Variants in VPS13B observed in about 807,000 individuals in gnomAD.
VPS13B encodes vacuolar protein sorting 13 homolog B.
Under a neutral mutation model 426.4 loss-of-function variants are expected in VPS13B, and 285 were observed. That is an observed-to-expected ratio of 0.67 (90% CI 0.61 to 0.74). The LOEUF (loss-of-function observed/expected upper bound fraction) is 0.74. Among genes scored for constraint, VPS13B ranks in the 30% least tolerant of loss-of-function variants. The pLI is 0.00. For missense variants in VPS13B, 4,537 were observed against 4,782.6 expected (o/e 0.95, Z 1.51); for synonymous variants, 1,676 against 1,676.4 (o/e 1.00, Z 0.01).
intron 36 of VPS13B, among the ~76,000 whole-genome samples, chr8:99,703,821 T>C (rs1192605585): frequency 6.6e-6 from 1 of 152,080 alleles, no homozygotes; most frequent in South Asian, 2.1e-4. Flanking sequence ...ATGGCTCTGT[T>C]TGGGCGGCAC....
At chr8:99,374,971 G>C (rs1470559098) in intron 19 of VPS13B, among the ~76,000 whole-genome samples, 1 of 152,176 alleles carries the variant, frequency 6.6e-6, no homozygotes, top group Non-Finnish European at 1.5e-5. Flanking sequence ...AAGGTTTAGA[G>C]TACGCATGAG....
At chr8:99,605,468 A>G (rs1280675879) in intron 33 of VPS13B, among the ~76,000 whole-genome samples, 1 of 152,236 alleles carries the variant, frequency 6.6e-6, no homozygotes, top group Non-Finnish European at 1.5e-5. Flanking sequence ...AATCCTAGAT[A>G]TAATCATTTC....
intron 16 of VPS13B, among the ~76,000 whole-genome samples, chr8:99,184,163 A>G (rs895531823): frequency 6.6e-6 from 1 of 152,188 alleles, no homozygotes; most frequent in African/African-American, 2.4e-5. Context: ...TTTTAAGGCT[A>G]TTATGAATAA....
At chr8:99,135,845 T>G in intron 11 of VPS13B, 112 bp downstream of exon 11, 1 of 1,424,184 alleles carries the variant, frequency 7.0e-7, no homozygotes, top group East Asian at 2.4e-5. Context: ...GAATGCTAAT[T>G]GTTTATTAAA....
At chr8:99,195,295 T>C (rs574926451) in intron 17 of VPS13B, among the ~76,000 whole-genome samples, 1 of 152,354 alleles carries the variant, frequency 6.6e-6, no homozygotes, top group Admixed American at 6.5e-5. Context: ...GTTGAGTATG[T>C]TTTCATATAC....
intron 17 of VPS13B, among the ~76,000 whole-genome samples, chr8:99,247,087 G>A (rs978284043): frequency 3.9e-5 from 6 of 152,114 alleles, no homozygotes; most frequent in African/African-American, 1.4e-4. Flanking sequence ...GTAAGTAAAT[G>A]TTCGTTAATT....
At chr8:99,754,698 A>G (rs1259918797) in intron 39 of VPS13B, among the ~76,000 whole-genome samples, 14 of 152,144 alleles carry the variant, frequency 9.2e-5, no homozygotes, top group Non-Finnish European at 5.9e-5. Flanking sequence ...CTAATTTTCT[A>G]GTACTTTTCT....
At chr8:99,331,379 G>A (rs1810533657) in intron 19 of VPS13B, among the ~76,000 whole-genome samples, 1 of 151,726 alleles carries the variant, frequency 6.6e-6, no homozygotes, top group Admixed American at 6.6e-5. Flanking sequence ...CTGTCAGCCT[G>A]TGTAGCAACA....
At chr8:99,431,494 T>A (rs772049704) in intron 21 of VPS13B, 43 bp from the exon 22 acceptor site, 1 of 1,609,264 alleles carries the variant, frequency 6.2e-7, no homozygotes, top group Non-Finnish European at 8.5e-7. Flanking sequence ...TGTGAAATTG[T>A]AAGTTATGTT....
At position 99,861,852 on chromosome 8, in the gene VPS13B, C is replaced by T; in HGVS notation, c.11121C>T (p.His3707=). ...NMDRLSLDEE[H]YNRQEEWRRQ... is the part of the protein sequence containing the mutation. ...ACCGGCTCTCACTGGATGAGGAGCACTACAACCGGCAGGAGGAGTGGCGGC... is the reference window on the plus strand; with the variant it reads ...ACCGGCTCTCACTGGATGAGGAGCATTACAACCGGCAGGAGGAGTGGCGGC... The change falls in exon 58 of 62, where the codon CAC becomes CAT. Residue 3707 remains histidine (H), a synonymous_variant. Coordinates refer to ENST00000357162, the MANE Select transcript of VPS13B (RefSeq NM_152564.5). 2 of 1,601,620 alleles carry T rather than the reference C, an allele frequency of 1.2e-6. No homozygotes were observed. The highest frequency in any genetic ancestry group is 1.7e-6 in the Non-Finnish European group (2 of 1,174,634).
intron 19 of VPS13B, among the ~76,000 whole-genome samples, chr8:99,377,072 C>A (rs1279933380): frequency 6.6e-6 from 1 of 151,924 alleles, no homozygotes; most frequent in African/African-American, 2.4e-5. Context: ...TAGATTCTTT[C>A]CTTAGGTGAT....
chr8:99,530,133 G>C (rs956989974), intron 30 of VPS13B, among the ~76,000 whole-genome samples: 1 of 152,022 alleles, frequency 6.6e-6, no homozygotes, highest in African/African-American at 2.4e-5. Flanking sequence ...TTTCTTTGAT[G>C]TTCAACTCTA....
intron 35 of VPS13B, chr8:99,697,246 CA>C (rs1229682599): frequency 4.3e-5 from 25 of 575,376 alleles, no homozygotes; most frequent in Non-Finnish European, 1.6e-5. Flanking sequence ...CAGGAGGAGG[CA>C]GCCATCCAGC....
intron 33 of VPS13B, among the ~76,000 whole-genome samples, chr8:99,593,198 A>T (rs1826783188): frequency 6.6e-6 from 1 of 152,136 alleles, no homozygotes; most frequent in African/African-American, 2.4e-5. Context: ...GTCTACAAGG[A>T]ACTTAACCAA....
intron 2 of VPS13B, among the ~76,000 whole-genome samples, chr8:99,035,650 CCTT>C (rs1486893666): frequency 2.6e-5 from 4 of 152,068 alleles, no homozygotes; most frequent in Non-Finnish European, 5.9e-5. Context: ...GTGAATATCT[CCTT>C]AAGATTTTCT....
chr8:99,779,065 C>T (rs1370301162), intron 42 of VPS13B, 34 bp downstream of exon 42: 1 of 1,578,446 alleles, frequency 6.3e-7, no homozygotes, highest in Non-Finnish European at 8.7e-7. Flanking sequence ...ACAGTTTGGC[C>T]ACATATGATC....
intron 42 of VPS13B, among the ~76,000 whole-genome samples, chr8:99,783,776 G>A (rs1812130672): frequency 6.6e-6 from 1 of 152,112 alleles, no homozygotes; most frequent in African/African-American, 2.4e-5. Context: ...GGAAAGTTAT[G>A]GTTTTATTTA....
chr8:99,868,303 A>G lies in VPS13B; in HGVS notation c.11230A>G (p.Ile3744Val). 6.2e-7 allele frequency: 1 copy of G among 1,614,164 alleles called. No individual in the cohort carries two copies. The highest frequency in any genetic ancestry group is 1.3e-5 in the African/African-American group (1 of 75,038). ...TGTTATTCCAGGTGCAATTGCTGGT[A>G]TAGTTGATCAGCCGATGCAGAACTT... Reference protein sequence around the residue: ...GISLLGAIAGIVDQPMQNFQK... With the variant: ...GISLLGAIAGVVDQPMQNFQK... The change falls in exon 59 of 62, where the codon ATA (isoleucine) becomes GTA (valine). Residue 3744 changes from isoleucine (I) to valine (V), a missense_variant. Physicochemically the swap from Ile to Val is conservative, Grantham distance 29. Coordinates refer to ENST00000357162, the MANE Select transcript of VPS13B (RefSeq NM_152564.5).
intron 17 of VPS13B, among the ~76,000 whole-genome samples, chr8:99,218,044 AG>A (rs1201695955): frequency 2.0e-5 from 3 of 152,236 alleles, no homozygotes; most frequent in Non-Finnish European, 4.4e-5. Context: ...AAGGTATGCC[AG>A]TTAGACTGTC....
Sources: gnomAD v4.1 joint callset for allele counts (sites outside exome capture counted in the v4.1 genomes callset) on GRCh38, gnomAD v4.1.1 for gene constraint, MANE v1.5 for transcripts, NCBI Gene and HGNC (gene_info 2026-07-23, HGNC 2026-07-21) for gene names.